The following ASIC2 variants were observed in gnomAD, a reference collection of about 807,000 sequenced individuals.
ASIC2 encodes the protein acid-sensing ion channel 2.
ASIC2 carries 25 observed loss-of-function variants against 57.3 expected under a neutral mutation model. The ratio of observed to expected loss-of-function variants is 0.44; its 90% CI spans 0.32 to 0.61. ASIC2 has a LOEUF of 0.61. Among genes scored for constraint, ASIC2 ranks in the 20% least tolerant of loss-of-function variants. The pLI is 0.06. For synonymous variants in ASIC2, 319 were observed against 307.5 expected, an observed-to-expected ratio of 1.04 and a Z score of -0.39; for missense variants, 641 against 738.1, an observed-to-expected ratio of 0.87 and a Z score of 1.52.
rs545121808 is a variant in ASIC2 at position 34,065,749 on chromosome 17, CAG to C, written c.555+90227_555+90228del. On this transcript the variant is annotated intron_variant, in intron 1 of 9. Coordinates refer to the ASIC2 transcript ENST00000359872. ...GGGACGTAGATGAATAAGAGGAAAACAGGGGCATGCAACAAGTTAAAAAGTCA... is the reference window on the plus strand; with the variant it reads ...GGGACGTAGATGAATAAGAGGAAAACGGGCATGCAACAAGTTAAAAAGTCA... Among the ~76,000 whole-genome samples, 21 of 152,140 alleles carry C rather than the reference CAG, an allele frequency of 1.4e-4. 1 individual carries two copies. The East Asian group carries it at 3.7e-3, about 27-fold the overall frequency.
At chr17:33,199,342 T>C (rs1567781754) in intron 1 of ASIC2, among the ~76,000 whole-genome samples, 1 of 152,214 alleles carries the variant, frequency 6.6e-6, no homozygotes. Flanking sequence ...ACTTGTTTAA[T>C]CATCAGATGC....
chr17:34,002,728 T>C (rs1567783993), intron 1 of ASIC2: 1 of 152,256 alleles, frequency 6.6e-6, no homozygotes, highest in Non-Finnish European at 1.5e-5. Context: ...TAACAATTCA[T>C]TATTCCTAGT....
rs1421043352 is a variant in ASIC2, at chr17:33,751,689, T to C, written c.555+404289A>G. ...CGTTTTGGTTTACTTTTTCTTTCCT[T>C]TGGATTCAGATCCCGATTTCATTTA... On this transcript the variant is annotated intron_variant, in intron 1 of 9. Coordinates refer to the ASIC2 transcript ENST00000359872. Among the ~76,000 whole-genome samples the C allele has an allele frequency of 5.3e-5, 8 of 152,304 alleles. No individual in the cohort carries two copies. In the East Asian group the frequency reaches 1.5e-3, roughly 29 times the overall value.
At chr17:33,359,883 T>C (rs1191230052) in intron 1 of ASIC2, among the ~76,000 whole-genome samples, 4 of 152,220 alleles carry the variant, frequency 2.6e-5, no homozygotes, top group Admixed American at 2.6e-4. Flanking sequence ...TGCATCTCTG[T>C]TAAGCCTGAA....
chr17:33,808,342 G>A (rs930228145), intron 1 of ASIC2, among the ~76,000 whole-genome samples: 8 of 152,146 alleles, frequency 5.3e-5, no homozygotes, highest in South Asian at 2.1e-4. Flanking sequence ...GTATATTTAC[G>A]TGAGTCCCTT....
At chr17:34,097,735 A>C (rs1485486047) in intron 1 of ASIC2, among the ~76,000 whole-genome samples, 1 of 152,164 alleles carries the variant, frequency 6.6e-6, no homozygotes, top group African/African-American at 2.4e-5. Context: ...TGTGGAACTC[A>C]TGGATACAGA....
chr17:33,330,824 T>C (rs148968450), intron 1 of ASIC2, among the ~76,000 whole-genome samples: 1 of 152,296 alleles, frequency 6.6e-6, no homozygotes, highest in Non-Finnish European at 1.5e-5. Context: ...GACATCTTCA[T>C]TTTGTCAATG....
At chr17:33,650,056 C>T (rs1906871246) in intron 1 of ASIC2, among the ~76,000 whole-genome samples, 1 of 151,946 alleles carries the variant, frequency 6.6e-6, no homozygotes, top group Admixed American at 6.5e-5. Flanking sequence ...AGACAAGGTA[C>T]AAAATGAGAG....
At chr17:33,620,576 G>C (rs902198021) in intron 1 of ASIC2, among the ~76,000 whole-genome samples, 1 of 152,022 alleles carries the variant, frequency 6.6e-6, no homozygotes, top group Non-Finnish European at 1.5e-5. Flanking sequence ...CCTTATTTTA[G>C]AGCTTCCCCA....
intron 1 of ASIC2, chr17:33,624,016 A>G (rs1905897248): frequency 6.6e-6 from 1 of 152,188 alleles, no homozygotes; most frequent in African/African-American, 2.4e-5. Flanking sequence ...TTAAAAACAA[A>G]TAAACTCTTC....
At chr17:33,976,894 G>C (rs916150035) in intron 1 of ASIC2, 1 of 152,056 alleles carries the variant, frequency 6.6e-6, no homozygotes, top group African/African-American at 2.4e-5. Context: ...GAGGGAGGAG[G>C]GTGCCTGTGA....
chr17:34,113,703 C>A (rs1405352913), intron 1 of ASIC2, among the ~76,000 whole-genome samples: 3 of 151,792 alleles, frequency 2.0e-5, no homozygotes, highest in Admixed American at 1.3e-4. Context: ...CAAAGTGAGA[C>A]CTTGTCTGTA....
intron 1 of ASIC2, among the ~76,000 whole-genome samples, chr17:33,242,887 G>A (rs935962506): frequency 6.6e-6 from 1 of 152,120 alleles, no homozygotes; most frequent in African/African-American, 2.4e-5. Context: ...GGATCGAGAG[G>A]TGATTGCTGG....
chr17:33,472,424 G>A (rs1353692891), intron 1 of ASIC2, among the ~76,000 whole-genome samples: 2 of 152,114 alleles, frequency 1.3e-5, no homozygotes, highest in Admixed American at 6.5e-5. Flanking sequence ...TAGAAAGTAG[G>A]TATTATGGCA....
Position 33,247,107 on chromosome 17 carries a change from C to T in ASIC2, c.708+44301G>A, listed in dbSNP as rs947095940. Among the ~76,000 whole-genome samples, 10 of 152,150 alleles carry T rather than the reference C, an allele frequency of 6.6e-5. No individual in the cohort carries two copies. In the East Asian group the frequency reaches 9.6e-4, roughly 15 times the overall value. ...CACCTTCATTCATTGTTCGATAGAG[C>T]GTTTATTAAGGTTTCATTACATTTG... On this transcript the variant is annotated intron_variant, in intron 1 of 9. Transcript: ENST00000225823.
At chr17:34,021,706 T>A (rs946982651) in intron 1 of ASIC2, among the ~76,000 whole-genome samples, 35 of 152,298 alleles carry the variant, frequency 2.3e-4, no homozygotes, top group African/African-American at 8.4e-4. Context: ...AGAGCAGAGA[T>A]TCACAGTGTT....
At chr17:33,878,416 C>T (rs1914608659) in intron 1 of ASIC2, among the ~76,000 whole-genome samples, 2 of 152,052 alleles carry the variant, frequency 1.3e-5, no homozygotes, top group African/African-American at 2.4e-5. Context: ...CCTTAAAAGA[C>T]CTGATGGAGC....
chr17:33,067,825 G>A (rs189166211), intron 3 of ASIC2, among the ~76,000 whole-genome samples: 9 of 152,332 alleles, frequency 5.9e-5, no homozygotes, highest in East Asian at 3.9e-4. Flanking sequence ...AGGACGAGGC[G>A]AATTGTTCCT....
In ASIC2 at chr17:33,546,310, G is replaced by A. The variant is rs755770825; in HGVS notation, c.556-434243C>T. Among the ~76,000 whole-genome samples the A allele has an allele frequency of 4.6e-5, 7 of 151,886 alleles. No individual in the cohort carries two copies. In the South Asian group the frequency reaches 8.3e-4, roughly 18 times the overall value. On this transcript the variant is annotated intron_variant, in intron 1 of 9. Transcript: ENST00000359872. ...GAATTTTCTTTGTGCTCTTTAATTG[G>A]ATTCCTTCCTTCATGTTTTCTCAAC...
Sources: allele counts gnomAD v4.1 joint callset (sites outside exome capture counted in the v4.1 genomes callset), GRCh38; gene constraint gnomAD v4.1.1; transcripts MANE v1.5; gene names NCBI Gene and HGNC (gene_info 2026-07-23, HGNC 2026-07-21).